Variants in DLGAP2 observed in about 807,000 individuals in gnomAD.
DLGAP2 encodes the protein disks large-associated protein 2.
Under a neutral mutation model 100.3 loss-of-function variants are expected in DLGAP2, and 26 were observed. The ratio of observed to expected loss-of-function variants is 0.26; its 90% CI spans 0.19 to 0.36. DLGAP2 has a LOEUF of 0.36. Among genes scored for constraint, DLGAP2 ranks in the 10% least tolerant of loss-of-function variants. The pLI, the probability that DLGAP2 is intolerant of heterozygous loss-of-function variation, is 1.00. For synonymous variants in DLGAP2, 886 were observed against 630.1 expected (o/e 1.41, Z -6.08); for missense variants, 1,858 against 1,453.2 (o/e 1.28, Z -4.53).
intron 2 of DLGAP2, among the ~76,000 whole-genome samples, chr8:1,237,472 C>T (rs1414272836): frequency 6.8e-6 from 1 of 146,330 alleles, no homozygotes; most frequent in African/African-American, 2.6e-5. Context: ...TCACATGGTG[C>T]CGTGTCTAGT....
chr8:1,028,517 G>A (rs1241376738), intron 2 of DLGAP2, among the ~76,000 whole-genome samples: 3 of 152,162 alleles, frequency 2.0e-5, no homozygotes, highest in South Asian at 2.1e-4. Context: ...CTCCACATGC[G>A]GTGCCAGGCA....
intron 10 of DLGAP2, among the ~76,000 whole-genome samples, chr8:1,673,684 C>G (rs944689309): frequency 3.3e-5 from 5 of 152,190 alleles, no homozygotes; most frequent in African/African-American, 9.7e-5. Flanking sequence ...AGTTTTACAT[C>G]AGTTAACTGA....
At chr8:1,538,885 CTTTTT>C (rs11285812) in intron 4 of DLGAP2, among the ~76,000 whole-genome samples, 1 of 110,336 alleles carries the variant, frequency 9.1e-6, no homozygotes, top group African/African-American at 3.4e-5. Flanking sequence ...TGTCACTCAT[CTTTTT>C]TTTTTTTTTT....
intron 2 of DLGAP2, among the ~76,000 whole-genome samples, chr8:1,027,836 C>G (rs1281774737): frequency 7.8e-5 from 9 of 115,244 alleles, no homozygotes; most frequent in Admixed American, 6.2e-4. Flanking sequence ...GGGTGTCAGG[C>G]GCCCGTTATT....
At chr8:1,591,648 A>C (rs965539037) in intron 6 of DLGAP2, among the ~76,000 whole-genome samples, 1 of 151,964 alleles carries the variant, frequency 6.6e-6, no homozygotes, top group African/African-American at 2.4e-5. Flanking sequence ...CATCTACTTG[A>C]CCTGCAGGAA....
At chr8:1,237,278 C>G (rs1276366238) in intron 2 of DLGAP2, among the ~76,000 whole-genome samples, 2 of 138,680 alleles carry the variant, frequency 1.4e-5, no homozygotes, top group African/African-American at 6.1e-5. Flanking sequence ...AGATCTCTCT[C>G]ACACATAGCG....
At chr8:1,355,903 T>C (rs1040486935) in intron 3 of DLGAP2, among the ~76,000 whole-genome samples, 27 of 152,174 alleles carry the variant, frequency 1.8e-4, no homozygotes, top group Admixed American at 6.5e-4. Context: ...CCTGTTCATA[T>C]TCAAATTAAG....
At chr8:799,000 C>G (rs1796093957) in intron 1 of DLGAP2, among the ~76,000 whole-genome samples, 1 of 152,236 alleles carries the variant, frequency 6.6e-6, no homozygotes, top group African/African-American at 2.4e-5. Context: ...CATGTCCTGA[C>G]CTAGGATTTC....
chr8:761,546 C>T (rs539800069), intron 1 of DLGAP2, among the ~76,000 whole-genome samples: 3 of 152,346 alleles, frequency 2.0e-5, no homozygotes, highest in East Asian at 3.9e-4. Context: ...CACAAGTGGA[C>T]GTGTGGCTGA....
chr8:956,686 C>T (rs965623536), intron 2 of DLGAP2, among the ~76,000 whole-genome samples: 5 of 152,166 alleles, frequency 3.3e-5, no homozygotes, highest in African/African-American at 1.2e-4. Context: ...GGCAAAATAG[C>T]CAAAGATTTT....
At position 1,126,218 on chromosome 8, in the gene DLGAP2, G is replaced by A. The variant is rs79746813; in HGVS notation, c.74-132633G>A. Among the ~76,000 whole-genome samples, 309 of 152,338 alleles carry A rather than the reference G, an allele frequency of 2.0e-3. 2 individuals carry two copies. Among genetic ancestry groups the A allele is most frequent in the African/African-American group, 6.9e-3 (288 of 41,578 alleles). On this transcript the variant is annotated intron_variant, in intron 2 of 14. Transcript: ENST00000637795. ...TTTGGCAGAGCCATGGATTTTCACAGCCCTGTACCCTTTATTCTCAAAAAT... is the reference window on the plus strand; with the variant it reads ...TTTGGCAGAGCCATGGATTTTCACAACCCTGTACCCTTTATTCTCAAAAAT...
intron 4 of DLGAP2, among the ~76,000 whole-genome samples, chr8:1,534,700 C>T (rs747348415): frequency 6.6e-6 from 1 of 152,150 alleles, no homozygotes; most frequent in Non-Finnish European, 1.5e-5. Context: ...GCTATTGAAC[C>T]TGCTGGTCTG....
At chr8:753,675 T>A (rs1486932656) in intron 1 of DLGAP2, 1 of 152,216 alleles carries the variant, frequency 6.6e-6, no homozygotes, top group African/African-American at 2.4e-5. Context: ...TCTTTATTCA[T>A]CATTCGAATG....
intron 2 of DLGAP2, among the ~76,000 whole-genome samples, chr8:963,315 G>A (rs1386863343): frequency 6.6e-6 from 1 of 152,180 alleles, no homozygotes; most frequent in Non-Finnish European, 1.5e-5. Context: ...GCTCTCAGAT[G>A]TGAGGGAGAA....
chr8:1,056,350 C>T (rs1180180980), intron 2 of DLGAP2, among the ~76,000 whole-genome samples: 3 of 152,150 alleles, frequency 2.0e-5, no homozygotes, highest in Non-Finnish European at 2.9e-5. Flanking sequence ...TGGAATTCCT[C>T]CAGCTCTGTG....
intron 3 of DLGAP2, among the ~76,000 whole-genome samples, chr8:1,330,912 A>G (rs11779239): frequency 0.72 from 101,440 of 140,026 alleles, 36,120 homozygotes; most frequent in African/African-American, 0.88. Context: ...TGGGAGCACC[A>G]CTTCATGGGG....
chr8:1,296,285 T>C (rs2116980592), intron 3 of DLGAP2: 1 of 144,076 alleles, frequency 6.9e-6, no homozygotes, highest in Admixed American at 7.1e-5. Flanking sequence ...CCATCTTGGG[T>C]TCTTTTCTAG....
intron 2 of DLGAP2, among the ~76,000 whole-genome samples, chr8:1,122,235 C>T (rs1308045730): frequency 6.6e-6 from 1 of 152,180 alleles, no homozygotes; most frequent in Non-Finnish European, 1.5e-5. Context: ...CACTGGGTGA[C>T]CCTGTTTCTC....
intron 1 of DLGAP2, among the ~76,000 whole-genome samples, chr8:759,365 G>A (rs1481351466): frequency 1.3e-5 from 2 of 151,800 alleles, no homozygotes; most frequent in South Asian, 2.1e-4. Flanking sequence ...ACACTGATGC[G>A]TCATTGCCGT....
Sources: gnomAD v4.1 joint callset for allele counts (sites outside exome capture counted in the v4.1 genomes callset) on GRCh38, gnomAD v4.1.1 for gene constraint, MANE v1.5 for transcripts, NCBI Gene and HGNC (gene_info 2026-07-23, HGNC 2026-07-21) for gene names.